The following RSRC1 variants were observed in gnomAD, a reference collection of about 807,000 sequenced individuals.
RSRC1 encodes the protein arginine and serine rich coiled-coil 1.
RSRC1 carries 39 observed loss-of-function variants against 49.1 expected under a neutral mutation model. The ratio of observed to expected loss-of-function variants is 0.79; its 90% CI spans 0.61 to 1.04. The LOEUF (loss-of-function observed/expected upper bound fraction) is 1.04. RSRC1 is among the 50% of genes least tolerant of loss of function. RSRC1 has a pLI of 0.00. For missense variants in RSRC1, 388 were observed against 402.4 expected (o/e 0.96, Z 0.31); for synonymous variants, 143 against 130.8 (o/e 1.09, Z -0.63).
chr3:158,443,473 CTT>C (rs1042110189), intron 6 of RSRC1, among the ~76,000 whole-genome samples: 2 of 152,174 alleles, frequency 1.3e-5, no homozygotes, highest in Non-Finnish European at 2.9e-5. Context: ...TAGCTTTAGA[CTT>C]TTCTTCAGCA....
At chr3:158,285,914 A>C (rs549748354) in intron 4 of RSRC1, among the ~76,000 whole-genome samples, 3 of 152,298 alleles carry the variant, frequency 2.0e-5, no homozygotes, top group East Asian at 3.9e-4. Flanking sequence ...CCCTGGCCAG[A>C]ACTTCCAACA....
intron 3 of RSRC1, among the ~76,000 whole-genome samples, chr3:158,178,600 AT>A (rs1349770926): frequency 1.3e-5 from 2 of 152,104 alleles, no homozygotes. Flanking sequence ...GCTCTTGAGA[AT>A]TCTTTGCTTT....
At chr3:158,132,083 A>C (rs901057071) in intron 3 of RSRC1, 4 of 437,226 alleles carry the variant, frequency 9.1e-6, no homozygotes, top group African/African-American at 8.0e-5. Flanking sequence ...TCCTTCACTC[A>C]AGGTATCCTC....
chr3:158,396,553 GCT>G (rs1259006541), intron 6 of RSRC1, among the ~76,000 whole-genome samples: 9 of 152,098 alleles, frequency 5.9e-5, no homozygotes, highest in Non-Finnish European at 1.3e-4. Context: ...ACTGTAATTT[GCT>G]AGTAGTCTGA....
chr3:158,170,237 T>G (rs1718793603), intron 3 of RSRC1, among the ~76,000 whole-genome samples: 1 of 152,142 alleles, frequency 6.6e-6, no homozygotes, highest in East Asian at 1.9e-4. Context: ...GAAGCCAGAT[T>G]TTTTGTTTAA....
chr3:158,213,821 AAGCC>A (rs1721815466), intron 4 of RSRC1, among the ~76,000 whole-genome samples: 1 of 151,928 alleles, frequency 6.6e-6, no homozygotes, highest in Non-Finnish European at 1.5e-5. Flanking sequence ...TATTTGGAAT[AAGCC>A]AGATGTGAAA....
chr3:158,269,199 T>G (rs1725366648), intron 4 of RSRC1, among the ~76,000 whole-genome samples: 1 of 152,198 alleles, frequency 6.6e-6, no homozygotes, highest in African/African-American at 2.4e-5. Context: ...TAAATACTAC[T>G]TTGGTTTTTA....
intron 6 of RSRC1, among the ~76,000 whole-genome samples, chr3:158,398,900 T>A (rs1207099578): frequency 6.6e-6 from 1 of 152,044 alleles, no homozygotes; most frequent in East Asian, 1.9e-4. Flanking sequence ...TGGTTGAAAA[T>A]TCTAATTTTC....
Position 158,298,094 on chromosome 3 carries a change from T to C in RSRC1, c.531+19T>C. The C allele has an allele frequency of 6.4e-7, 1 of 1,571,842 alleles. No homozygotes were observed. The highest frequency in any genetic ancestry group is 8.8e-7 in the Non-Finnish European group (1 of 1,142,716). On this transcript the variant is annotated intron_variant, in intron 5 of 9. Coordinates refer to ENST00000611884, the MANE Select transcript of RSRC1 (RefSeq NM_001271838.2). ...ACATCTGGTAAGTTCTCATTTTCTCTTGAACATTTGCATCATCTTTGATAT... is the reference window on the plus strand; with the variant it reads ...ACATCTGGTAAGTTCTCATTTTCTCCTGAACATTTGCATCATCTTTGATAT...
intron 8 of RSRC1, among the ~76,000 whole-genome samples, chr3:158,542,440 C>G (rs928099796): frequency 6.6e-6 from 1 of 152,156 alleles, no homozygotes; most frequent in Non-Finnish European, 1.5e-5. Context: ...GAGGCTGAAG[C>G]AGGAGAATCA....
chr3:158,322,834 T>G (rs1213817301), intron 5 of RSRC1, among the ~76,000 whole-genome samples: 2 of 152,352 alleles, frequency 1.3e-5, no homozygotes, highest in South Asian at 2.1e-4. Context: ...TTTGGATAAT[T>G]GTTTTATCAA....
Position 158,298,052 on chromosome 3 carries a change from A to G in RSRC1, c.508A>G (p.Ile170Val), listed in dbSNP as rs1578305098. 6.2e-7 allele frequency: 1 copy of G among 1,605,974 alleles called. No individual in the cohort carries two copies. The highest frequency in any genetic ancestry group is 8.5e-7 in the Non-Finnish European group (1 of 1,173,218). The change falls in exon 5 of 10, where the codon ATC becomes GTC. Residue 170 changes from isoleucine (I) to valine (V), a missense_variant. Physicochemically the swap from Ile to Val is conservative, Grantham distance 29 (BLOSUM62 3). Transcript: ENST00000611884. Reference protein sequence around the residue: ...HNIKRGESGNIKAGLEHLPPA... With the variant: ...HNIKRGESGNVKAGLEHLPPA... ...CTTCTATTTTAGGGAATCTGGAAAC[A>G]TCAAAGCTGGATTAGAACATCTGGT...
intron 3 of RSRC1, among the ~76,000 whole-genome samples, chr3:158,165,084 A>G (rs1182702728): frequency 6.6e-6 from 1 of 152,182 alleles, no homozygotes; most frequent in Non-Finnish European, 1.5e-5. Flanking sequence ...ATGGCTAGTT[A>G]GGGTTTTGAG....
intron 9 of RSRC1, 146 bp from the exon 10 acceptor site, chr3:158,544,037 C>T: frequency 1.8e-6 from 1 of 550,016 alleles, no homozygotes; most frequent in Non-Finnish European, 3.2e-6. Context: ...AATAGATAGT[C>T]ATCAATTAAG....
intron 4 of RSRC1, among the ~76,000 whole-genome samples, chr3:158,206,911 T>C (rs1394790896): frequency 1.3e-5 from 2 of 152,086 alleles, no homozygotes; most frequent in African/African-American, 4.8e-5. Context: ...GAGACTCCGT[T>C]TAAAAAAACA....
At chr3:158,341,559 G>A (rs764849032) in intron 5 of RSRC1, among the ~76,000 whole-genome samples, 1 of 152,244 alleles carries the variant, frequency 6.6e-6, no homozygotes, top group Non-Finnish European at 1.5e-5. Context: ...TTCAGGAGAT[G>A]TTTGGAAACG....
intron 6 of RSRC1, among the ~76,000 whole-genome samples, chr3:158,421,133 G>C (rs1019350560): frequency 6.6e-6 from 1 of 151,854 alleles, no homozygotes; most frequent in Non-Finnish European, 1.5e-5. Flanking sequence ...GGCAAGCTGA[G>C]ACAAGTTAGT....
chr3:158,476,018 T>C (rs976073544), intron 7 of RSRC1, among the ~76,000 whole-genome samples: 3 of 152,256 alleles, frequency 2.0e-5, no homozygotes, highest in Non-Finnish European at 2.9e-5. Context: ...AGTGAACATA[T>C]GAATGATAAG....
chr3:158,529,534 T>C (rs1195523469), intron 7 of RSRC1, among the ~76,000 whole-genome samples: 1 of 151,878 alleles, frequency 6.6e-6, no homozygotes, highest in Non-Finnish European at 1.5e-5. Context: ...GGTCATGATA[T>C]TTAAATGAGG....
Sources: gnomAD v4.1 joint callset for allele counts (sites outside exome capture counted in the v4.1 genomes callset) on GRCh38, gnomAD v4.1.1 for gene constraint, MANE v1.5 for transcripts, NCBI Gene and HGNC (gene_info 2026-07-23, HGNC 2026-07-21) for gene names.